Variants in FGGY observed in about 807,000 individuals in gnomAD.
FGGY encodes the protein FGGY carbohydrate kinase domain-containing protein.
In FGGY, 72 loss-of-function variants were observed where a neutral mutation model predicts 71.3. The ratio of observed to expected loss-of-function variants is 1.01; its 90% confidence interval spans 0.84 to 1.23. FGGY has a LOEUF of 1.23. FGGY is among the 50% of genes most tolerant of loss of function. FGGY has a pLI of 0.00. For synonymous variants in FGGY, 251 were observed against 250.3 expected (o/e 1.00, Z -0.02); for missense variants, 668 against 682.3 (o/e 0.98, Z 0.23).
In FGGY at chr1:59,688,784, C is replaced by T. The variant is rs575736292; in HGVS notation, c.1512+14651C>T. 6.7e-5 allele frequency among the ~76,000 whole-genome samples: 10 copies of T among 148,554 alleles called. No individual in the cohort carries two copies. In the East Asian group the frequency reaches 2.0e-3, roughly 29 times the overall value. On this transcript the variant is annotated intron_variant, in intron 14 of 15. Transcript: ENST00000303721. ...TTTTTTTTTGAGATGGAGTCTCACT[C>T]TGTCGCCTAGGCTGGAGTGCAGTGG...
chr1:59,582,861 G>A (rs1032826558), intron 8 of FGGY, among the ~76,000 whole-genome samples: 1 of 150,112 alleles, frequency 6.7e-6, no homozygotes, highest in Non-Finnish European at 1.5e-5. Context: ...TCACTCACTT[G>A]GATTCAGGTC....
chr1:59,390,708 TGATATG>T (rs2060590412), intron 5 of FGGY, among the ~76,000 whole-genome samples: 1 of 152,182 alleles, frequency 6.6e-6, no homozygotes, highest in African/African-American at 2.4e-5. Context: ...AAGGGAGAAT[TGATATG>T]GGGTGGGTAA....
At chr1:59,381,427 A>G (rs930669362) in intron 5 of FGGY, among the ~76,000 whole-genome samples, 1 of 152,092 alleles carries the variant, frequency 6.6e-6, no homozygotes, top group Non-Finnish European at 1.5e-5. Flanking sequence ...GCTTTTTTCT[A>G]TTAACTTTTT....
At chr1:59,655,275 G>A (rs1175237074) in intron 11 of FGGY, among the ~76,000 whole-genome samples, 1 of 152,152 alleles carries the variant, frequency 6.6e-6, no homozygotes, top group Non-Finnish European at 1.5e-5. Context: ...ACTTTTGTAA[G>A]TTTACTTTAC....
At chr1:59,403,618 G>A (rs2062288821) in intron 5 of FGGY, among the ~76,000 whole-genome samples, 1 of 152,204 alleles carries the variant, frequency 6.6e-6, no homozygotes, top group Non-Finnish European at 1.5e-5. Context: ...CAAAAGGACA[G>A]CATATGGGAA....
chr1:59,571,429 A>G (rs1383054520), intron 8 of FGGY, among the ~76,000 whole-genome samples: 2 of 152,220 alleles, frequency 1.3e-5, no homozygotes, highest in Admixed American at 1.3e-4. Flanking sequence ...TCAGCAAACA[A>G]TTACAAAAAT....
intron 5 of FGGY, among the ~76,000 whole-genome samples, chr1:59,426,196 G>T (rs1345906154): frequency 6.6e-6 from 1 of 152,112 alleles, no homozygotes; most frequent in East Asian, 1.9e-4. Context: ...CTTTTAGTCA[G>T]CAGCTCCCAG....
At chr1:59,740,126 T>C (rs377258878) in intron 14 of FGGY, among the ~76,000 whole-genome samples, 1 of 152,352 alleles carries the variant, frequency 6.6e-6, no homozygotes, top group Admixed American at 6.5e-5. Context: ...TCCTTACTGT[T>C]GGTAATCATT....
At chr1:59,394,103 G>A (rs1311774528) in intron 5 of FGGY, among the ~76,000 whole-genome samples, 4 of 152,152 alleles carry the variant, frequency 2.6e-5, no homozygotes, top group Admixed American at 6.6e-5. Context: ...CCTTGGAAGG[G>A]CCAGTATTTT....
At chr1:59,492,715 A>G (rs1361167921) in intron 6 of FGGY, among the ~76,000 whole-genome samples, 1 of 152,046 alleles carries the variant, frequency 6.6e-6, no homozygotes, top group Non-Finnish European at 1.5e-5. Context: ...TCTTTTGCCA[A>G]GTTGACAAAA....
At chr1:59,757,863 C>G (rs555416929) in intron 14 of FGGY, 68 bp from the exon 15 acceptor site, 9 of 1,073,564 alleles carry the variant, frequency 8.4e-6, no homozygotes, top group Non-Finnish European at 1.3e-5. Flanking sequence ...GAATGTTTTG[C>G]CTGTGACAAG....
At chr1:59,473,998 G>C (rs2093132905) in intron 6 of FGGY, 1 of 152,160 alleles carries the variant, frequency 6.6e-6, no homozygotes, top group South Asian at 2.1e-4. Flanking sequence ...GGTTTACGAA[G>C]CCTGTAGAAA....
At chr1:59,554,088 T>C in intron 7 of FGGY, 36 bp from the exon 8 acceptor site, 1 of 1,493,360 alleles carries the variant, frequency 6.7e-7, no homozygotes, top group Non-Finnish European at 9.3e-7. Context: ...TTTTTATGTG[T>C]TAAAGAGGAT....
chr1:59,341,870 A>C (rs2050773811), intron 3 of FGGY, among the ~76,000 whole-genome samples: 1 of 152,184 alleles, frequency 6.6e-6, no homozygotes, highest in Non-Finnish European at 1.5e-5. Flanking sequence ...CATAGATCAG[A>C]TGTCTCTTAC....
chr1:59,372,971 C>A (rs1260797974), intron 4 of FGGY, among the ~76,000 whole-genome samples: 1 of 152,128 alleles, frequency 6.6e-6, no homozygotes, highest in African/African-American at 2.4e-5. Context: ...TGGGCAAAAA[C>A]TGGAAGCATT....
intron 7 of FGGY, among the ~76,000 whole-genome samples, chr1:59,521,314 A>T (rs2094826827): frequency 6.6e-6 from 1 of 152,146 alleles, no homozygotes; most frequent in Non-Finnish European, 1.5e-5. Context: ...CGTGGGGGGA[A>T]GGATAACTGA....
intron 4 of FGGY, among the ~76,000 whole-genome samples, chr1:59,352,596 G>T (rs374184441): frequency 6.9e-6 from 1 of 145,016 alleles, no homozygotes; most frequent in East Asian, 1.9e-4. Context: ...AGATTCTTTG[G>T]GGGGAACCTG....
intron 7 of FGGY, among the ~76,000 whole-genome samples, chr1:59,525,841 CTG>C (rs909034967): frequency 1.3e-5 from 2 of 152,144 alleles, no homozygotes; most frequent in African/African-American, 4.8e-5. Flanking sequence ...GTGTGCATAA[CTG>C]TGTGTCTCTG....
At chr1:59,314,811 T>C (rs141390309) in intron 1 of FGGY, among the ~76,000 whole-genome samples, 20 of 152,362 alleles carry the variant, frequency 1.3e-4, no homozygotes, top group African/African-American at 4.6e-4. Context: ...GTGGATAAGA[T>C]AGACGCAGCT....
Sources: allele counts gnomAD v4.1 joint callset (sites outside exome capture counted in the v4.1 genomes callset), GRCh38; gene constraint gnomAD v4.1.1; transcripts MANE v1.5; gene names NCBI Gene and HGNC (gene_info 2026-07-23, HGNC 2026-07-21).